MST1R: variants seen among roughly 807,000 people sequenced by gnomAD.
MST1R encodes macrophage stimulating 1 receptor.
A neutral mutation model predicts 117.8 loss-of-function variants in MST1R; 99 were observed. That is an observed-to-expected ratio of 0.84 (90% confidence interval 0.71 to 0.99). MST1R has a LOEUF of 0.99. Among genes scored for constraint, MST1R ranks in the 50% least tolerant of loss-of-function variants. MST1R has a pLI of 0.00. For synonymous variants in MST1R, 734 were observed against 765.3 expected (o/e 0.96, Z 0.68); for missense variants, 1,683 against 1,840.2 (o/e 0.91, Z 1.56).
At position 49,898,785 on chromosome 3, in the gene MST1R, G is replaced by A; in HGVS notation, c.1548+82C>T. ...ACAGTAGGCTAGGGTGGTAGGGCCT[G>A]TATGTCAATGCCTCCCTGGATTGGA... On this transcript the variant is annotated intron_variant, in intron 3 of 19. Transcript: ENST00000296474. 10 of 1,606,642 alleles carry A rather than the reference G, an allele frequency of 6.2e-6. No homozygotes were observed. In the South Asian group the frequency reaches 1.0e-4, roughly 16 times the overall value.
chr3:49,902,590 G>A lies in MST1R; in HGVS notation c.1020C>T (p.Ala340=), dbSNP rs768304568. 16 of 1,613,578 alleles carry A rather than the reference G, an allele frequency of 9.9e-6. No homozygotes were observed. Among genetic ancestry groups the A allele is most frequent in the Admixed American group, 1.7e-5 (1 of 60,010 alleles). Residue 340 remains alanine, a synonymous_variant, in exon 1 of 20, where the codon GCC becomes GCT. Transcript: ENST00000296474. ...GAQLATELSI[A]EGQEVLFGVF... is the part of the protein sequence containing the mutation. ...CCCCAAATAGTACTTCCTGGCCCTC[G>A]GCGATGCTCAGCTCAGTGGCAAGTT...
At chr3:49,890,879 C>T (rs2082294075) in intron 17 of MST1R, among the ~76,000 whole-genome samples, 1 of 152,228 alleles carries the variant, frequency 6.6e-6, no homozygotes, top group South Asian at 2.1e-4. Flanking sequence ...GGGCCCGCCA[C>T]CACGCCTGGC....
intron 14 of MST1R, 150 bp from the exon 15 acceptor site, chr3:49,891,988 C>CT: frequency 1.8e-6 from 1 of 557,060 alleles, no homozygotes; most frequent in Non-Finnish European, 3.1e-6. Flanking sequence ...TTTTTTGAGA[C>CT]CGAGTCTCAC....
intron 1 of MST1R, among the ~76,000 whole-genome samples, chr3:49,902,050 G>A (rs2082696272): frequency 6.6e-6 from 1 of 152,076 alleles, no homozygotes; most frequent in African/African-American, 2.4e-5. Flanking sequence ...CAGCATTCAG[G>A]AGCTATGCTA....
In MST1R at chr3:49,902,680, C is replaced by T. The variant is rs774929875; in HGVS notation, c.930G>A (p.Gly310=). The T allele has an allele frequency of 1.9e-6, 3 of 1,613,404 alleles. No homozygotes were observed. The highest frequency in any genetic ancestry group is 1.1e-5 in the South Asian group (1 of 91,086). ...GGTAGGGCTGTCCGCCTTCTGGGGC[C>T]CCCCGGCGCCTGCGTTTTGGAGCAA... ...CRFAPKRRRR[G]APEGGQPYPV... is the part of the protein sequence containing the mutation. Residue 310 remains glycine (G), a synonymous_variant, in exon 1 of 20, where the codon GGG becomes GGA. Transcript: ENST00000296474.
In MST1R at chr3:49,899,008, A is replaced by G. The variant is rs1205920746; in HGVS notation, c.1420-13T>C. On this transcript the variant is annotated splice_polypyrimidine_tract_variant and intron_variant, in intron 2 of 19. Transcript: ENST00000296474. ...TGACCAGCTCCACCTAGGACAGGTC[A>G]GATGTGAGCAAAATGGGGATGGAGA... The G allele has an allele frequency of 6.2e-7, 1 of 1,614,084 alleles. No homozygotes were observed. Among genetic ancestry groups the G allele is most frequent in the Admixed American group, 1.7e-5 (1 of 60,014 alleles).
chr3:49,898,961 T>C lies in MST1R; in HGVS notation c.1454A>G (p.Tyr485Cys). The C allele has an allele frequency of 2.5e-6, 4 of 1,614,146 alleles. No individual in the cohort carries two copies. The highest frequency in any genetic ancestry group is 2.5e-6 in the Non-Finnish European group (3 of 1,180,032). Reference sequence around the variant, plus strand: ...GTCACCCAGTGAGAAGTTGGACACATACAGCAAGTAGTTTAGTGACCTGAC... The same window carrying C: ...GTCACCCAGTGAGAAGTTGGACACACACAGCAAGTAGTTTAGTGACCTGAC... Reference protein sequence around the residue: ...ELVRSLNYLLYVSNFSLGDSG... With the variant: ...ELVRSLNYLLCVSNFSLGDSG... Residue 485 changes from tyrosine (Y) to cysteine (C), a missense_variant, in exon 3 of 20, where the codon TAT becomes TGT. Transcript: ENST00000296474.
Position 49,890,612 on chromosome 3 carries a change from CCAAAGT to C in MST1R, c.3677_3682del (p.Asp1226_Phe1227del), listed in dbSNP as rs2082285651. ...CCTGTCCAGGATGTCGCGGGCCAAA[CCAAAGT>C]CAGCCACCTTGACTGTGAATGACTC... is the stretch of plus-strand genomic sequence containing the variant. On this transcript the variant is annotated inframe_deletion, in exon 18 of 20. Transcript: ENST00000296474. The C allele has an allele frequency of 2.5e-6, 4 of 1,613,780 alleles. No individual in the cohort carries two copies. The highest frequency in any genetic ancestry group is 3.4e-6 in the Non-Finnish European group (4 of 1,179,730).
At position 49,903,226 on chromosome 3, in the gene MST1R, C is replaced by T. The variant is rs768803196; in HGVS notation, c.384G>A (p.Ala128=). 1.4e-5 allele frequency: 23 copies of T among 1,607,182 alleles called. No individual in the cohort carries two copies. In the Admixed American group the frequency reaches 2.5e-4, roughly 17 times the overall value. Residue 128 remains alanine (A), a synonymous_variant, in exon 1 of 20, where the codon GCG becomes GCA. Coordinates refer to ENST00000296474, the MANE Select transcript of MST1R (RefSeq NM_002447.4). The part of the protein sequence containing the change: ...TDTKVLVLDP[A]LPALVSCGSS... ...AGCCACAACTGACCAGCGCAGGCAG[C>T]GCGGGATCCAGCACCAGCACCTTTG...
At chr3:49,890,370 G>A (rs1450956660) in intron 18 of MST1R, 115 bp downstream of exon 18, 5 of 1,150,828 alleles carry the variant, frequency 4.3e-6, no homozygotes, top group African/African-American at 1.6e-5. Context: ...GATGGGCTGT[G>A]GGGGTCATCT....
At chr3:49,890,705 C>A in intron 17 of MST1R, 55 bp from the exon 18 acceptor site, 2 of 1,530,054 alleles carry the variant, frequency 1.3e-6, no homozygotes, top group Non-Finnish European at 1.8e-6. Flanking sequence ...GGCCCTGAAC[C>A]CACCTGTTCT....
chr3:49,894,683 C>T (rs537123436), intron 14 of MST1R, among the ~76,000 whole-genome samples: 1 of 152,342 alleles, frequency 6.6e-6, no homozygotes, highest in South Asian at 2.1e-4. Context: ...GAAGACAGAA[C>T]TTTTCTCATC....
chr3:49,901,273 C>T (rs1316643901), intron 1 of MST1R, among the ~76,000 whole-genome samples: 3 of 152,312 alleles, frequency 2.0e-5, no homozygotes, highest in Middle Eastern at 3.4e-3. Context: ...TCAATAGGAG[C>T]GGAAAGGAGT....
intron 1 of MST1R, among the ~76,000 whole-genome samples, chr3:49,901,561 T>C (rs1285267759): frequency 1.3e-5 from 2 of 152,108 alleles, no homozygotes; most frequent in African/African-American, 4.8e-5. Flanking sequence ...CCCCAGATGT[T>C]TATAGTTGCT....
At chr3:49,888,565 G>A (rs543754038) in intron 19 of MST1R, among the ~76,000 whole-genome samples, 8 of 150,594 alleles carry the variant, frequency 5.3e-5, no homozygotes, top group Non-Finnish European at 1.0e-4. Context: ...TTGCGCCACC[G>A]CACTCCAGCC....
At chr3:49,893,911 A>AT (rs2082389378) in intron 14 of MST1R, among the ~76,000 whole-genome samples, 4 of 136,732 alleles carry the variant, frequency 2.9e-5, no homozygotes, top group Non-Finnish European at 3.3e-5. Context: ...AAAAAAAAAA[A>AT]AAATAAAATA....
chr3:49,897,717 C>T lies in MST1R; in HGVS notation c.1881-32G>A, dbSNP rs374697777. 1.0e-5 allele frequency: 16 copies of T among 1,586,784 alleles called. No individual in the cohort carries two copies. In the African/African-American group the frequency reaches 2.0e-4, roughly 20 times the overall value. ...CACCAGGGGAACCCCTGAGGTCAGC[C>T]AGGAATTACACAGGCCTAGATGCAT... On this transcript the variant is annotated intron_variant, in intron 5 of 19. Coordinates refer to ENST00000296474, the MANE Select transcript of MST1R (RefSeq NM_002447.4).
intron 14 of MST1R, among the ~76,000 whole-genome samples, chr3:49,894,030 A>G (rs1050466696): frequency 6.6e-6 from 1 of 151,040 alleles, no homozygotes; most frequent in African/African-American, 2.4e-5. Context: ...CCTGGCCAAC[A>G]TGGTGAAATC....
In MST1R at chr3:49,888,483, T is replaced by C. The variant is rs574457892; in HGVS notation, c.3948-921A>G. On this transcript the variant is annotated intron_variant, in intron 19 of 19. Coordinates refer to ENST00000296474, the MANE Select transcript of MST1R (RefSeq NM_002447.4). ...TGGGCGTGGTGGCACACGCCTGTAGTCCCAGTTACTCAGGAGGCTGAGGTA... is the reference window on the plus strand; with the variant it reads ...TGGGCGTGGTGGCACACGCCTGTAGCCCCAGTTACTCAGGAGGCTGAGGTA... Among the ~76,000 whole-genome samples, 5 of 149,062 alleles carry C rather than the reference T, an allele frequency of 3.4e-5. No individual in the cohort carries two copies. In the East Asian group the frequency reaches 9.8e-4, roughly 29 times the overall value.
Sources: allele counts gnomAD v4.1 joint callset (sites outside exome capture counted in the v4.1 genomes callset), GRCh38; gene constraint gnomAD v4.1.1; transcripts MANE v1.5; gene names NCBI Gene and HGNC (gene_info 2026-07-23, HGNC 2026-07-21).